The following NBAS variants were observed in gnomAD, a reference collection of about 807,000 sequenced individuals.
NBAS encodes the protein NBAS subunit of NRZ tethering complex, also known as NAG/BC035112 fusion.
A neutral mutation model predicts 302.5 loss-of-function variants in NBAS; 219 were observed. The ratio of observed to expected loss-of-function variants is 0.72; its 90% CI spans 0.65 to 0.81. NBAS has a LOEUF of 0.81. Among genes scored for constraint, NBAS ranks in the 30% least tolerant of loss-of-function variants. NBAS has a pLI of 0.00. For synonymous variants in NBAS, 1,118 were observed against 1,021.6 expected, an observed-to-expected ratio of 1.09 and a Z score of -1.80; for missense variants, 2,932 against 2,841.6, an observed-to-expected ratio of 1.03 and a Z score of -0.72.
the NBAS span, among the ~76,000 whole-genome samples, chr2:15,037,424 G>T: frequency 9.4e-5 from 1 of 10,650 alleles, no homozygotes; most frequent in Non-Finnish European, 1.4e-3. Flanking sequence ...GGCCCCACCC[G>T]CAAGGCGGGG....
the NBAS span, among the ~76,000 whole-genome samples, chr2:15,101,653 T>A: frequency 6.6e-6 from 1 of 152,148 alleles, no homozygotes; most frequent in Non-Finnish European, 1.5e-5. Context: ...GACACCAACA[T>A]AATGATTAAC....
At chr2:15,445,448 T>C (rs1423486762) in intron 21 of NBAS, among the ~76,000 whole-genome samples, 2 of 141,140 alleles carry the variant, frequency 1.4e-5, no homozygotes, top group Non-Finnish European at 3.0e-5. Flanking sequence ...AGGTGGGAAT[T>C]GAACAATGAG....
chr2:15,178,673 T>A (rs1294251950), intron 51 of NBAS, among the ~76,000 whole-genome samples: 1 of 152,224 alleles, frequency 6.6e-6, no homozygotes. Context: ...GCAAGAGGAC[T>A]GCTAGTTGAT....
the NBAS span, among the ~76,000 whole-genome samples, chr2:15,126,693 GGCA>G: frequency 1.2e-3 from 186 of 152,276 alleles, 1 homozygote; most frequent in African/African-American, 4.4e-3. Flanking sequence ...CAATGCAGGT[GGCA>G]GCATTTGGAA....
the NBAS span, among the ~76,000 whole-genome samples, chr2:15,051,362 CTG>C: frequency 5.3e-5 from 8 of 152,172 alleles, no homozygotes; most frequent in African/African-American, 1.7e-4. Flanking sequence ...TATAGCTACA[CTG>C]GTATTTCATG....
At chr2:15,194,788 A>G (rs756872198) in intron 48 of NBAS, among the ~76,000 whole-genome samples, 3 of 152,224 alleles carry the variant, frequency 2.0e-5, no homozygotes, top group Admixed American at 6.5e-5. Flanking sequence ...TGAGATTTCC[A>G]TATTACATGC....
At chr2:15,232,229 T>C (rs1030280521) in intron 47 of NBAS, among the ~76,000 whole-genome samples, 193 bp downstream of exon 47, 9 of 152,130 alleles carry the variant, frequency 5.9e-5, no homozygotes, top group African/African-American at 1.9e-4. Context: ...ATGCTCTCCA[T>C]GGCAAGCAGG....
the NBAS span, among the ~76,000 whole-genome samples, chr2:14,943,070 A>C: frequency 6.6e-6 from 1 of 152,232 alleles, no homozygotes; most frequent in Non-Finnish European, 1.5e-5. Flanking sequence ...CATTCTCAGC[A>C]TGAGGCTATT....
chr2:15,131,111 C>T, the NBAS span, among the ~76,000 whole-genome samples: 190 of 152,176 alleles, frequency 1.2e-3, no homozygotes, highest in Admixed American at 3.0e-3. Flanking sequence ...TCTTGAATTC[C>T]GACTCTAATT....
chr2:14,992,644 T>G, the NBAS span, among the ~76,000 whole-genome samples: 1 of 152,216 alleles, frequency 6.6e-6, no homozygotes, highest in East Asian at 1.9e-4. Flanking sequence ...TCTGTGTATT[T>G]TCTTTGCTTT....
intron 21 of NBAS, among the ~76,000 whole-genome samples, chr2:15,440,317 G>C (rs1382266876): frequency 6.6e-6 from 1 of 152,210 alleles, no homozygotes; most frequent in African/African-American, 2.4e-5. Context: ...AAAACTTCCA[G>C]AGGAATGATC....
chr2:14,815,002 T>C, the NBAS span, among the ~76,000 whole-genome samples: 1 of 152,178 alleles, frequency 6.6e-6, no homozygotes, highest in African/African-American at 2.4e-5. Flanking sequence ...GCTCTCTCTT[T>C]CCTGCCACCA....
the NBAS span, among the ~76,000 whole-genome samples, chr2:15,110,001 G>T: frequency 1.3e-5 from 2 of 151,676 alleles, no homozygotes; most frequent in African/African-American, 4.9e-5. Flanking sequence ...CCCCTCAAAA[G>T]GTCATCAAAA....
At chr2:14,802,014 C>T in the NBAS span, among the ~76,000 whole-genome samples, 1 of 147,054 alleles carries the variant, frequency 6.8e-6, no homozygotes, top group Admixed American at 6.9e-5. Context: ...TGTGCAGAAG[C>T]TCTTTAGTTT....
At chr2:15,281,818 G>A (rs568706345) in intron 42 of NBAS, among the ~76,000 whole-genome samples, 40 of 152,140 alleles carry the variant, frequency 2.6e-4, no homozygotes, top group Non-Finnish European at 4.7e-4. Flanking sequence ...ACTATCAGGC[G>A]TTTCTGACTA....
the NBAS span, among the ~76,000 whole-genome samples, chr2:15,040,536 C>T: frequency 6.6e-6 from 1 of 152,174 alleles, no homozygotes; most frequent in Admixed American, 6.5e-5. Flanking sequence ...GAAAATTGAT[C>T]AAAAACAGCA....
At chr2:15,439,725 A>G (rs985623266) in intron 21 of NBAS, among the ~76,000 whole-genome samples, 1 of 152,218 alleles carries the variant, frequency 6.6e-6, no homozygotes, top group African/African-American at 2.4e-5. Context: ...CGGGAAGCGC[A>G]AGGGGTCAGG....
chr2:15,402,422 C>T (rs1001692759), intron 25 of NBAS, 121 bp from the exon 26 acceptor site: 43 of 946,108 alleles, frequency 4.5e-5, no homozygotes, highest in Non-Finnish European at 6.5e-5. Context: ...AGAAACAAGT[C>T]TTGATTTTTC....
the NBAS span, among the ~76,000 whole-genome samples, chr2:15,119,845 T>A: frequency 2.0e-5 from 3 of 151,984 alleles, no homozygotes; most frequent in Non-Finnish European, 4.4e-5. Context: ...ATCTGCAAAG[T>A]TTGTCACCTT....
Sources: gnomAD v4.1 joint callset for allele counts (sites outside exome capture counted in the v4.1 genomes callset) on GRCh38, gnomAD v4.1.1 for gene constraint, MANE v1.5 for transcripts, NCBI Gene and HGNC (gene_info 2026-07-23, HGNC 2026-07-21) for gene names.